FAM83G: variants seen among roughly 807,000 people sequenced by gnomAD.
FAM83G encodes the protein scaffolding CK1 anchoring protein G.
FAM83G carries 38 observed loss-of-function variants against 61.5 expected under a neutral mutation model. That is an observed-to-expected ratio of 0.62 (90% confidence interval 0.48 to 0.81). The LOEUF (loss-of-function observed/expected upper bound fraction) is 0.81, where lower values mean the gene tolerates loss of function less well. Among genes scored for constraint, FAM83G ranks in the 30% least tolerant of loss-of-function variants. The pLI, the probability that FAM83G is intolerant of heterozygous loss-of-function variation, is 0.00. For missense variants in FAM83G, 989 were observed against 1,133.6 expected (o/e 0.87, Z 1.83); for synonymous variants, 470 against 476.1 (o/e 0.99, Z 0.17).
Position 18,981,878 on chromosome 17 carries a change from C to T in FAM83G, c.691-2205G>A, listed in dbSNP as rs1038174727. 2.6e-5 allele frequency among the ~76,000 whole-genome samples: 4 copies of T among 152,198 alleles called. No homozygotes were observed. In the East Asian group the frequency reaches 5.8e-4, roughly 22 times the overall value. Reference sequence around the variant, plus strand: ...CTTTGTACCCAACATGGAGCACGCTCGGGGTTGAGAAGTCGGACAAAGATC... The same window carrying T: ...CTTTGTACCCAACATGGAGCACGCTTGGGGTTGAGAAGTCGGACAAAGATC... On this transcript the variant is annotated intron_variant, in intron 3 of 5. Transcript: ENST00000388995.
rs573695592 is a variant in FAM83G at position 18,969,931 on chromosome 17, G to A, written c.*1428C>T. The A allele has an allele frequency of 4.1e-4, 63 of 153,710 alleles. 1 individual carries two copies. Among genetic ancestry groups the A allele is most frequent in the Non-Finnish European group, 8.4e-4 (58 of 69,032 alleles). 9.5% of individuals were successfully genotyped at this position (153,710 alleles called of 1,614,324 possible). On this transcript the variant is annotated 3_prime_UTR_variant, in exon 6 of 6. Coordinates refer to ENST00000388995, the MANE Select transcript of FAM83G (RefSeq NM_001039999.3). ...AGATAGGAAACTCACAGGGCTGCCCGGAGAGAGCGTGAGCTCACCGTCCCT... is the reference window on the plus strand; with the variant it reads ...AGATAGGAAACTCACAGGGCTGCCCAGAGAGAGCGTGAGCTCACCGTCCCT...
At chr17:18,980,365 G>A (rs1418468885) in intron 3 of FAM83G, among the ~76,000 whole-genome samples, 1 of 152,076 alleles carries the variant, frequency 6.6e-6, no homozygotes, top group Non-Finnish European at 1.5e-5. Context: ...TTTGGCCCAG[G>A]AGCAGGCCAG....
intron 2 of FAM83G, among the ~76,000 whole-genome samples, chr17:18,998,377 G>A (rs2043622366): frequency 6.6e-6 from 1 of 152,250 alleles, no homozygotes; most frequent in South Asian, 2.1e-4. Context: ...ACTCTCTGCT[G>A]GCCCAGGGGC....
chr17:18,980,831 G>A (rs1299156521), intron 3 of FAM83G, among the ~76,000 whole-genome samples: 1 of 152,152 alleles, frequency 6.6e-6, no homozygotes, highest in African/African-American at 2.4e-5. Context: ...TGACTCAGGA[G>A]GCCTGAGGTC....
chr17:18,988,477 G>C (rs1259127104), intron 2 of FAM83G, 63 bp from the exon 3 acceptor site: 1 of 1,589,420 alleles, frequency 6.3e-7, no homozygotes, highest in Non-Finnish European at 8.6e-7. Context: ...AGGGTGCCCT[G>C]GCAGAGCGCA....
At chr17:18,984,509 C>G (rs2152126071) in intron 3 of FAM83G, among the ~76,000 whole-genome samples, 1 of 152,354 alleles carries the variant, frequency 6.6e-6, no homozygotes, top group African/African-American at 2.4e-5. Flanking sequence ...CAGCGATCCT[C>G]ACTTCCTCAC....
At chr17:18,984,840 A>T (rs923152270) in intron 3 of FAM83G, among the ~76,000 whole-genome samples, 1 of 152,062 alleles carries the variant, frequency 6.6e-6, no homozygotes, top group Non-Finnish European at 1.5e-5. Flanking sequence ...CCTGCTCCCT[A>T]TTTGTCATTT....
rs750816618 is a variant in FAM83G at position 18,971,248 on chromosome 17, C to A, written c.*111G>T. On this transcript the variant is annotated 3_prime_UTR_variant, in exon 6 of 6. Coordinates refer to ENST00000388995, the MANE Select transcript of FAM83G (RefSeq NM_001039999.3). This position sits in a 1 kb window ranked among gnomAD's most constrained non-coding sequence, Gnocchi z 5.5. The stretch of plus-strand genomic sequence containing the variant: ...GTGCCAACGTCTCCCGCCCATCCCA[C>A]CTTCCTGCCGTCCCAGTGGGCTCTG... 67 of 1,612,636 alleles carry A rather than the reference C, an allele frequency of 4.2e-5. No homozygotes were observed. The highest frequency in any genetic ancestry group is 1.7e-4 in the Middle Eastern group (1 of 6,058).
chr17:18,979,592 ACTT>A lies in FAM83G; in HGVS notation c.769_771del (p.Lys257del). 1 of 1,613,442 alleles carries A rather than the reference ACTT, an allele frequency of 6.2e-7. No individual in the cohort carries two copies. Among genetic ancestry groups the A allele is most frequent in the Non-Finnish European group, 8.5e-7 (1 of 1,179,968 alleles). On this transcript the variant is annotated inframe_deletion, in exon 4 of 6. Transcript: ENST00000388995. ...GCCCGGTCTCCATCCACAAACATGA[ACTT>A]CTGGGCCAGGGCACCCTTGAACTTG...
intron 3 of FAM83G, among the ~76,000 whole-genome samples, chr17:18,982,496 C>T (rs2043163909): frequency 6.6e-6 from 1 of 152,198 alleles, no homozygotes; most frequent in Non-Finnish European, 1.5e-5. Context: ...CGGGGCTGGC[C>T]CAAGAGGGGT....
chr17:18,998,402 GCAGGGAGACCCTCTCCAGC>G (rs2043623751), intron 2 of FAM83G, among the ~76,000 whole-genome samples: 1 of 152,256 alleles, frequency 6.6e-6, no homozygotes, highest in Admixed American at 6.5e-5. Flanking sequence ...ACCCTCAGCT[GCAGGGAGACCCTCTCCAGC>G]CAGGGAGACC....
rs2152008851 is a variant in FAM83G, at chr17:18,977,895, T to C, written c.1771A>G (p.Ser591Gly). ...EEDDDDYVTLSDQDSHSGSSG... is the reference protein window; with the variant it reads ...EEDDDDYVTLGDQDSHSGSSG... ...CTGCCTGAGTGGCTGTCCTGGTCAC[T>C]GAGGGTTACGTAGTCGTCATCATCT... The change falls in exon 5 of 6, where the codon AGT (serine) becomes GGT (glycine). Residue 591 changes from serine (S) to glycine (G), a missense_variant. Coordinates refer to ENST00000388995, the MANE Select transcript of FAM83G (RefSeq NM_001039999.3). 6.2e-7 allele frequency: 1 copy of C among 1,610,834 alleles called. No homozygotes were observed. The highest frequency in any genetic ancestry group is 2.2e-5 in the East Asian group (1 of 44,862).
At position 19,003,393 on chromosome 17, in the gene FAM83G, A is replaced by G. The variant is rs559556279; in HGVS notation, c.522+127T>C. 9.6e-7 allele frequency: 1 copy of G among 1,038,106 alleles called. No homozygotes were observed. The highest frequency in any genetic ancestry group is 2.8e-5 in the South Asian group (1 of 35,950). The allele number at this position is 1,038,106 out of a possible 1,614,324, so 64.3% of individuals were successfully genotyped here. ...GGAAACCTCCACCCAAGAGGCAGCCAGGGAAAACAGCAGAGATCCCTAGAA... is the reference window on the plus strand; with the variant it reads ...GGAAACCTCCACCCAAGAGGCAGCCGGGGAAAACAGCAGAGATCCCTAGAA... On this transcript the variant is annotated intron_variant, in intron 2 of 5. Coordinates refer to ENST00000388995, the MANE Select transcript of FAM83G (RefSeq NM_001039999.3). This position sits in a 1 kb window ranked among gnomAD's most constrained non-coding sequence, Gnocchi z 4.5.
chr17:18,979,458 A>G, intron 4 of FAM83G, 91 bp downstream of exon 4: 1 of 1,489,184 alleles, frequency 6.7e-7, no homozygotes, highest in East Asian at 2.3e-5. Context: ...GGACCAATGA[A>G]CCGGAATAAC....
intron 5 of FAM83G, among the ~76,000 whole-genome samples, chr17:18,973,553 C>T (rs2042907249): frequency 2.0e-5 from 3 of 152,224 alleles, no homozygotes; most frequent in African/African-American, 7.2e-5. Flanking sequence ...GGTTCCTGGT[C>T]TCTGTGTGGC....
In FAM83G at chr17:19,003,088, T is replaced by C. The variant is rs1227200010; in HGVS notation, c.522+432A>G. Among the ~76,000 whole-genome samples the C allele has an allele frequency of 6.6e-6, 1 of 151,990 alleles. No homozygotes were observed. The highest frequency in any genetic ancestry group is 1.5e-5 in the Non-Finnish European group (1 of 68,002). ...GCCAGTCTCAGATGGACTTGGACCA[T>C]GCCTATTCCCTCACCCCACAACAAA... On this transcript the variant is annotated intron_variant, in intron 2 of 5. Transcript: ENST00000388995. The surrounding 1 kb of genome is among the most constrained non-coding windows in gnomAD (Gnocchi z 4.5).
In FAM83G at chr17:18,969,245, C is replaced by A; in HGVS notation, c.*2114G>T. The A allele has an allele frequency of 1.3e-6, 2 of 1,577,066 alleles. No homozygotes were observed. The highest frequency in any genetic ancestry group is 1.1e-5 in the South Asian group (1 of 87,536). ...CCCCCTACAGGCCCGAGGGAGCAGC[C>A]CAGGAAGTGGCCCCAGCAGGAGCCC... On this transcript the variant is annotated 3_prime_UTR_variant, in exon 6 of 6. Transcript: ENST00000388995.
intron 4 of FAM83G, 159 bp downstream of exon 4, chr17:18,979,390 C>T: frequency 1.1e-6 from 1 of 869,864 alleles, no homozygotes; most frequent in Non-Finnish European, 1.7e-6. Flanking sequence ...CTGCCTGCCT[C>T]CAGAGACAGA....
At chr17:18,995,152 A>G (rs906660487) in intron 2 of FAM83G, among the ~76,000 whole-genome samples, 1 of 152,332 alleles carries the variant, frequency 6.6e-6, no homozygotes, top group East Asian at 1.9e-4. Context: ...ACAAGAAAAC[A>G]TGATGCACAT....
Sources: allele counts gnomAD v4.1 joint callset (sites outside exome capture counted in the v4.1 genomes callset), GRCh38; gene constraint gnomAD v4.1.1; non-coding constraint Gnocchi (gnomAD v3.1); transcripts MANE v1.5; gene names NCBI Gene and HGNC (gene_info 2026-07-23, HGNC 2026-07-21).